PSMA3: variants seen among roughly 807,000 people sequenced by gnomAD.
PSMA3 encodes the protein proteasome subunit alpha type-3.
In PSMA3, 8 loss-of-function variants were observed where a neutral mutation model predicts 40.0. The observed-to-expected ratio is 0.20, with a 90% CI of 0.12 to 0.36. The LOEUF is 0.36. PSMA3 is among the 10% of genes least tolerant of loss of function. PSMA3 has a pLI of 1.00. For missense variants in PSMA3, 219 were observed against 310.6 expected (o/e 0.70, Z 2.22); for synonymous variants, 110 against 100.0 (o/e 1.10, Z -0.59).
At chr14:58,259,050 C>T (rs370125672) in intron 5 of PSMA3, among the ~76,000 whole-genome samples, 1 of 152,164 alleles carries the variant, frequency 6.6e-6, no homozygotes, top group Admixed American at 6.5e-5. Flanking sequence ...ACCTCAGCCT[C>T]CCAAGTAGCT....
chr14:58,271,293 T>A (rs1429665792), intron 10 of PSMA3, among the ~76,000 whole-genome samples: 1 of 149,846 alleles, frequency 6.7e-6, no homozygotes, highest in East Asian at 1.9e-4. Context: ...CTGCAAAGAG[T>A]TTTTTAGGAC....
In PSMA3 at chr14:58,271,972, C is replaced by T; in HGVS notation, c.*77C>T. On this transcript the variant is annotated 3_prime_UTR_variant, in exon 11 of 11. Coordinates refer to ENST00000216455, the MANE Select transcript of PSMA3 (RefSeq NM_002788.4). Reference sequence around the variant, plus strand: ...ACTATTTAGCCCTGGATTATACATACTGTCCAATTTTCATTAAATTTTTGT... The same window carrying T: ...ACTATTTAGCCCTGGATTATACATATTGTCCAATTTTCATTAAATTTTTGT... 9.3e-7 allele frequency: 1 copy of T among 1,073,776 alleles called. No individual in the cohort carries two copies. 66.5% of individuals were successfully genotyped at this position (1,073,776 alleles called of 1,614,324 possible). A position where few individuals can be genotyped will look rare whatever the true frequency, so the allele number is the denominator to read the frequency against.
chr14:58,263,864 A>T, intron 7 of PSMA3, 94 bp downstream of exon 7: 1 of 1,151,430 alleles, frequency 8.7e-7, no homozygotes, highest in Non-Finnish European at 1.3e-6. Context: ...AGGGATGTCC[A>T]ATCATTTGGC....
At position 58,256,793 on chromosome 14, in the gene PSMA3, G is replaced by C. The variant is rs1031125763; in HGVS notation, c.229-952G>C. ...TTTTAAATTTCAGATTTTTGGATTA[G>C]ATATCCTCAACCTGTAATAACTTTA... On this transcript the variant is annotated intron_variant, in intron 3 of 10. Coordinates refer to ENST00000216455, the MANE Select transcript of PSMA3 (RefSeq NM_002788.4). 3.7e-4 allele frequency among the ~76,000 whole-genome samples: 57 copies of C among 152,146 alleles called. 1 individual carries two copies. Among genetic ancestry groups the C allele is most frequent in the African/African-American group, 1.2e-3 (51 of 41,522 alleles).
chr14:58,256,405 C>A (rs1890145373), intron 3 of PSMA3, among the ~76,000 whole-genome samples: 1 of 150,726 alleles, frequency 6.6e-6, no homozygotes, highest in African/African-American at 2.4e-5. Flanking sequence ...AAAAGCTCTA[C>A]TGAGCATTTC....
At chr14:58,256,123 G>C (rs1890139003) in intron 3 of PSMA3, among the ~76,000 whole-genome samples, 1 of 152,076 alleles carries the variant, frequency 6.6e-6, no homozygotes, top group African/African-American at 2.4e-5. Context: ...CAAAGTGCTG[G>C]GATCACAGGC....
intron 3 of PSMA3, 134 bp downstream of exon 3, chr14:58,252,376 G>T: frequency 8.5e-7 from 1 of 1,179,460 alleles, no homozygotes; most frequent in Non-Finnish European, 1.2e-6. Context: ...CTGTCCAGTA[G>T]AAAGGCAGCA....
chr14:58,257,410 A>G (rs1030642600), intron 3 of PSMA3, among the ~76,000 whole-genome samples: 2 of 152,088 alleles, frequency 1.3e-5, no homozygotes, highest in Admixed American at 1.3e-4. Context: ...AGGCAGGAGA[A>G]TGGCATGAAC....
intron 10 of PSMA3, among the ~76,000 whole-genome samples, chr14:58,271,203 T>G (rs1444852937): frequency 6.7e-6 from 1 of 149,324 alleles, no homozygotes; most frequent in African/African-American, 2.5e-5. Flanking sequence ...TCAGTTGAAC[T>G]AAAGATAGAA....
chr14:58,249,340 TA>T (rs926818664), intron 2 of PSMA3, among the ~76,000 whole-genome samples: 1 of 151,334 alleles, frequency 6.6e-6, no homozygotes, highest in Non-Finnish European at 1.5e-5. Flanking sequence ...TTTCTTATTT[TA>T]AAAAAAAATG....
chr14:58,245,528 A>G (rs1447774580), intron 1 of PSMA3: 9 of 152,516 alleles, frequency 5.9e-5, no homozygotes, highest in Admixed American at 4.6e-4. Flanking sequence ...TATACAAATT[A>G]CCTAACAGCG....
rs574158911 is a variant in PSMA3, at chr14:58,271,096, C to T, written c.723+98C>T. On this transcript the variant is annotated intron_variant, in intron 10 of 10. Transcript: ENST00000216455. ...AGCCTGAGCAGCACAGCAAGACCCC[C>T]ATCCCTAATTTAAAAAAAAAAAAAT... 5 of 696,212 alleles carry T rather than the reference C, an allele frequency of 7.2e-6. No homozygotes were observed. In the Admixed American group the frequency reaches 1.4e-4, roughly 19 times the overall value. The allele number at this position is 696,212 out of a possible 1,614,324, so 43.1% of individuals were successfully genotyped here. A position where few individuals can be genotyped will look rare whatever the true frequency, so the allele number is the denominator to read the frequency against.
intron 7 of PSMA3, among the ~76,000 whole-genome samples, chr14:58,264,506 G>A (rs1373917128): frequency 2.6e-5 from 4 of 152,186 alleles, no homozygotes; most frequent in Non-Finnish European, 5.9e-5. Context: ...TTGATTACCT[G>A]TCAGAAACTT....
chr14:58,252,138 T>A lies in PSMA3; in HGVS notation c.124T>A (p.Cys42Ser). 6.2e-7 allele frequency: 1 copy of A among 1,611,888 alleles called. No homozygotes were observed. Among genetic ancestry groups the A allele is most frequent in the East Asian group, 2.2e-5 (1 of 44,768 alleles). The change falls in exon 3 of 11, where the codon TGC (cysteine) becomes AGC (serine). Residue 42 changes from cysteine to serine, a missense_variant. Cys to Ser is a moderately radical substitution (Grantham distance 112, BLOSUM62 -1). Transcript: ENST00000216455. Reference protein sequence around the residue: ...ENSSTAIGIRCKDGVVFGVEK... With the variant: ...ENSSTAIGIRSKDGVVFGVEK... ...TTTCAGTACAGCTATTGGAATCAGATGCAAAGATGGTGTTGTCTTTGGGGT... is the reference window on the plus strand; with the variant it reads ...TTTCAGTACAGCTATTGGAATCAGAAGCAAAGATGGTGTTGTCTTTGGGGT...
intron 6 of PSMA3, among the ~76,000 whole-genome samples, chr14:58,262,653 C>T (rs1890318486): frequency 6.6e-6 from 1 of 151,376 alleles, no homozygotes; most frequent in Non-Finnish European, 1.5e-5. Context: ...ACCTCTGCCT[C>T]CCGGATTCAA....
intron 7 of PSMA3, chr14:58,264,923 C>G (rs1890392005): frequency 2.0e-5 from 3 of 152,106 alleles, no homozygotes; most frequent in Admixed American, 1.3e-4. Flanking sequence ...TACTCTTTTC[C>G]TTTTGTTTTC....
chr14:58,254,598 G>C (rs930421001), intron 3 of PSMA3, among the ~76,000 whole-genome samples: 1 of 151,714 alleles, frequency 6.6e-6, no homozygotes, highest in Non-Finnish European at 1.5e-5. Context: ...AGCTTCTTGA[G>C]TTGCTGAGAT....
chr14:58,267,669 C>G, intron 8 of PSMA3, 149 bp downstream of exon 8: 1 of 1,221,500 alleles, frequency 8.2e-7, no homozygotes, highest in Non-Finnish European at 1.0e-6. Context: ...AGAAGCCTCA[C>G]GAAGGAAGAA....
intron 6 of PSMA3, among the ~76,000 whole-genome samples, chr14:58,261,677 G>C (rs922413997): frequency 1.3e-5 from 2 of 151,992 alleles, no homozygotes; most frequent in African/African-American, 4.8e-5. Flanking sequence ...CACAATCATA[G>C]CTCACTTCAG....
Sources: allele counts gnomAD v4.1 joint callset (sites outside exome capture counted in the v4.1 genomes callset), GRCh38; gene constraint gnomAD v4.1.1; transcripts MANE v1.5; gene names NCBI Gene and HGNC (gene_info 2026-07-23, HGNC 2026-07-21).